Variants in ZBTB7C observed in about 807,000 individuals in gnomAD.
The protein encoded by ZBTB7C is zinc finger and BTB domain-containing protein 7C.
A neutral mutation model predicts 25.7 loss-of-function variants in ZBTB7C; 8 were observed. That is an observed-to-expected ratio of 0.31 (90% confidence interval 0.18 to 0.56). The LOEUF is 0.56. Ranked by LOEUF, ZBTB7C falls within the 20% of genes least tolerant of loss-of-function variation. The pLI is 0.91. For synonymous variants in ZBTB7C, 394 were observed against 369.0 expected (o/e 1.07, Z -0.78); for missense variants, 824 against 855.2 (o/e 0.96, Z 0.46).
At chr18:48,365,709 AT>A (rs1465040608) in intron 1 of ZBTB7C, among the ~76,000 whole-genome samples, 2 of 152,180 alleles carry the variant, frequency 1.3e-5, no homozygotes, top group African/African-American at 4.8e-5. Context: ...GAAAAAAAAA[AT>A]AACTCTCTGA....
intron 3 of ZBTB7C, among the ~76,000 whole-genome samples, chr18:48,112,392 G>T (rs1384932282): frequency 6.6e-6 from 1 of 150,824 alleles, no homozygotes; most frequent in East Asian, 2.0e-4. Context: ...TGTCGCCCAG[G>T]ACGGAGTACA....
At chr18:48,035,496 C>T (rs2035933655) in intron 4 of ZBTB7C, among the ~76,000 whole-genome samples, 1 of 152,198 alleles carries the variant, frequency 6.6e-6, no homozygotes, top group Non-Finnish European at 1.5e-5. Flanking sequence ...AGGGGCAAGT[C>T]TCTATGGCCT....
intron 1 of ZBTB7C, among the ~76,000 whole-genome samples, chr18:48,359,339 C>T (rs182133253): frequency 4.5e-4 from 67 of 149,232 alleles, no homozygotes; most frequent in South Asian, 8.4e-4. Flanking sequence ...AAAGAGGAAA[C>T]TATGAAGATG....
intron 2 of ZBTB7C, among the ~76,000 whole-genome samples, chr18:48,310,552 G>T (rs550371701): frequency 6.6e-6 from 1 of 152,176 alleles, no homozygotes; most frequent in Admixed American, 6.5e-5. Context: ...CTTTGTGTGT[G>T]TGTCTGTGTG....
At chr18:48,288,863 T>G (rs2045136097) in intron 2 of ZBTB7C, among the ~76,000 whole-genome samples, 1 of 152,202 alleles carries the variant, frequency 6.6e-6, no homozygotes, top group African/African-American at 2.4e-5. Context: ...CTACCTAGTT[T>G]ATGGTACTTT....
chr18:48,273,641 A>T (rs1483823039), intron 2 of ZBTB7C, among the ~76,000 whole-genome samples: 1 of 152,122 alleles, frequency 6.6e-6, no homozygotes, highest in Non-Finnish European at 1.5e-5. Context: ...TCTACTTTCA[A>T]TTCTAAAAAA....
At chr18:48,181,906 G>A (rs1410215562) in intron 3 of ZBTB7C, among the ~76,000 whole-genome samples, 6 of 152,124 alleles carry the variant, frequency 3.9e-5, no homozygotes, top group Admixed American at 2.6e-4. Context: ...TAGGGTTTAC[G>A]CTACCTTCTC....
chr18:48,049,930 C>A (rs1173668805), intron 3 of ZBTB7C, among the ~76,000 whole-genome samples: 6 of 152,184 alleles, frequency 3.9e-5, no homozygotes, highest in African/African-American at 1.4e-4. Flanking sequence ...TCCCACTATC[C>A]CGGAAGCTGT....
chr18:48,349,911 T>C (rs900220229), intron 1 of ZBTB7C, among the ~76,000 whole-genome samples: 1 of 152,174 alleles, frequency 6.6e-6, no homozygotes, highest in African/African-American at 2.4e-5. Flanking sequence ...CCTAGCACAG[T>C]GCCTGGCCTG....
intron 1 of ZBTB7C, among the ~76,000 whole-genome samples, chr18:48,383,915 CT>C (rs2047689186): frequency 6.6e-6 from 1 of 152,166 alleles, no homozygotes; most frequent in Admixed American, 6.5e-5. Context: ...GAGCCTCGAC[CT>C]AAGCATGGGT....
At chr18:48,292,755 G>T (rs1270431231) in intron 2 of ZBTB7C, among the ~76,000 whole-genome samples, 4 of 152,198 alleles carry the variant, frequency 2.6e-5, no homozygotes, top group Non-Finnish European at 5.9e-5. Context: ...AGAAAAGCTA[G>T]ATTTGATTCA....
intron 2 of ZBTB7C, among the ~76,000 whole-genome samples, chr18:48,318,842 G>T (rs1217230046): frequency 1.3e-5 from 2 of 152,144 alleles, no homozygotes; most frequent in African/African-American, 4.8e-5. Flanking sequence ...GCCCCAAGCA[G>T]GCCCCTTCTT....
chr18:48,273,263 G>GA (rs1001847853), intron 2 of ZBTB7C, among the ~76,000 whole-genome samples: 12 of 151,284 alleles, frequency 7.9e-5, no homozygotes, highest in African/African-American at 2.9e-4. Context: ...AGATAATTTT[G>GA]AAAAAAAATG....
chr18:48,406,062 A>G (rs1046670680), intron 1 of ZBTB7C, among the ~76,000 whole-genome samples: 1 of 152,094 alleles, frequency 6.6e-6, no homozygotes, highest in Non-Finnish European at 1.5e-5. Flanking sequence ...CAGACCCTTG[A>G]GTCTCTTCTT....
At chr18:48,159,519 C>G (rs1598993436) in intron 3 of ZBTB7C, among the ~76,000 whole-genome samples, 1 of 152,194 alleles carries the variant, frequency 6.6e-6, no homozygotes, top group Non-Finnish European at 1.5e-5. Context: ...CTTGCTACTA[C>G]AAATCATGCC....
At chr18:48,293,846 G>A (rs919870604) in intron 2 of ZBTB7C, among the ~76,000 whole-genome samples, 1 of 145,492 alleles carries the variant, frequency 6.9e-6, no homozygotes, top group Non-Finnish European at 1.5e-5. Flanking sequence ...TCAAATTCCT[G>A]GCCTCAAGCA....
Position 48,073,821 on chromosome 18 carries a change from C to T in ZBTB7C, c.-16-32698G>A, listed in dbSNP as rs368050134. Among the ~76,000 whole-genome samples, 172 of 152,198 alleles carry T rather than the reference C, an allele frequency of 1.1e-3. 5 individuals carry two copies. The South Asian group carries it at 0.034, about 30-fold the overall frequency. ...GGTGGACGTTTCAGCCCTTGCTCCC[C>T]GAGTTTCTGCACAAAGCCCTATCCT... On this transcript the variant is annotated intron_variant, in intron 3 of 4. Transcript: ENST00000590800.
At chr18:48,314,773 T>C (rs2045909049) in intron 2 of ZBTB7C, among the ~76,000 whole-genome samples, 1 of 152,088 alleles carries the variant, frequency 6.6e-6, no homozygotes, top group Admixed American at 6.5e-5. Context: ...CCCTAGAGAC[T>C]GCTGACAGCT....
chr18:48,380,151 T>C (rs1026857523), intron 1 of ZBTB7C, among the ~76,000 whole-genome samples: 1 of 152,136 alleles, frequency 6.6e-6, no homozygotes, highest in Admixed American at 6.5e-5. Flanking sequence ...ATTAGAAATA[T>C]ATGAAACAAG....
Sources: gnomAD v4.1 joint callset for allele counts (sites outside exome capture counted in the v4.1 genomes callset) on GRCh38, gnomAD v4.1.1 for gene constraint, MANE v1.5 for transcripts, NCBI Gene and HGNC (gene_info 2026-07-23, HGNC 2026-07-21) for gene names.